Variants in GPHB5 observed in about 807,000 individuals in gnomAD.
GPHB5 encodes the protein glycoprotein hormone subunit beta 5.
GPHB5 carries 7 observed loss-of-function variants against 10.1 expected under a neutral mutation model. That is an observed-to-expected ratio of 0.69 (90% confidence interval 0.39 to 1.30). The LOEUF is 1.30. Ranked by LOEUF, GPHB5 falls within the 50% of genes most tolerant of loss-of-function variation. The probability of loss-of-function intolerance (pLI) is 0.01; values close to 1 mark genes in which losing one functional copy is unlikely to be tolerated. For missense variants in GPHB5, 161 were observed against 169.8 expected (o/e 0.95, Z 0.29); for synonymous variants, 68 against 70.1 (o/e 0.97, Z 0.15).
rs762210968 is a variant in GPHB5, at chr14:63,317,709, C to A, written c.141G>T (p.Lys47Asn). Residue 47 changes from lysine to asparagine, a missense_variant, in exon 2 of 3, where the codon AAG (lysine) becomes AAT (asparagine). Transcript: ENST00000621500. ...TGATCCGAAGGCCCCTGCAGCCTGG[C>A]TTCTTGGCCAGGAAAGTAAACTCCC... The part of the protein sequence containing the change: ...AVREFTFLAK[K>N]PGCRGLRITT... The A allele has an allele frequency of 1.7e-5, 27 of 1,613,934 alleles. No homozygotes were observed. The highest frequency in any genetic ancestry group is 2.2e-5 in the Non-Finnish European group (26 of 1,179,916).
At chr14:63,314,605 G>A (rs1163086587) in intron 2 of GPHB5, among the ~76,000 whole-genome samples, 1 of 151,808 alleles carries the variant, frequency 6.6e-6, no homozygotes, top group Non-Finnish European at 1.5e-5. Context: ...GTAGAGACAG[G>A]GTTTCACCAT....
chr14:63,313,114 T>C lies in GPHB5; in HGVS notation c.207A>G (p.Lys69=). The C allele has an allele frequency of 6.3e-7, 1 of 1,584,342 alleles. No homozygotes were observed. Among genetic ancestry groups the C allele is most frequent in the Non-Finnish European group, 8.6e-7 (1 of 1,167,370 alleles). ...ACWGRCETWE[K]PILEPPYIEA... is the part of the protein sequence containing the mutation. Reference sequence around the variant, plus strand: ...CAATATAGGGGGGTTCCAGAATGGGTTTCTGTCCCCATAGATAGAAAACAG... The same window carrying C: ...CAATATAGGGGGGTTCCAGAATGGGCTTCTGTCCCCATAGATAGAAAACAG... The change falls in exon 3 of 3, where the codon AAA becomes AAG. Residue 69 remains lysine (K), a splice_region_variant and synonymous_variant. Transcript: ENST00000621500.
chr14:63,315,203 C>A (rs1882751716), intron 2 of GPHB5, among the ~76,000 whole-genome samples: 1 of 152,178 alleles, frequency 6.6e-6, no homozygotes. Context: ...GTGTTAGCCA[C>A]CACGCCCGGC....
chr14:63,313,099 G>A lies in GPHB5; in HGVS notation c.222C>T (p.Pro74=), dbSNP rs201745048. The A allele has an allele frequency of 3.8e-6, 6 of 1,599,078 alleles. No individual in the cohort carries two copies. The highest frequency in any genetic ancestry group is 4.3e-6 in the Non-Finnish European group (5 of 1,173,294). The part of the protein sequence containing the change: ...CETWEKPILE[P]PYIEAHHRVC... ...CTCGATGATGGGCTTCAATATAGGG[G>A]GGTTCCAGAATGGGTTTCTGTCCCC... The change falls in exon 3 of 3, where the codon CCC becomes CCT. Residue 74 remains proline (P), a synonymous_variant. Transcript: ENST00000621500.
At chr14:63,317,947 C>T (rs1410581631) in intron 1 of GPHB5, 97 bp from the exon 2 acceptor site, 1 of 1,085,638 alleles carries the variant, frequency 9.2e-7, no homozygotes, top group East Asian at 2.6e-5. Flanking sequence ...AGGGACCTTG[C>T]TCCTAGCATT....
At chr14:63,318,274 T>C (rs1378972043) in intron 1 of GPHB5, among the ~76,000 whole-genome samples, 3 of 152,266 alleles carry the variant, frequency 2.0e-5, no homozygotes, top group African/African-American at 4.8e-5. Context: ...CCATGTTACA[T>C]ACTTTGCTCA....
chr14:63,318,703 T>C (rs917686773), intron 1 of GPHB5, 121 bp downstream of exon 1: 2 of 152,352 alleles, frequency 1.3e-5, no homozygotes, highest in Admixed American at 1.3e-4. Flanking sequence ...ATGGCATTCA[T>C]GGACCTTTAC....
intron 2 of GPHB5, among the ~76,000 whole-genome samples, chr14:63,317,181 G>A (rs888617469): frequency 6.6e-6 from 1 of 152,074 alleles, no homozygotes; most frequent in Non-Finnish European, 1.5e-5. Flanking sequence ...TGGGACCAAC[G>A]CTCACCCTTC....
intron 2 of GPHB5, among the ~76,000 whole-genome samples, chr14:63,314,887 C>T (rs1473696456): frequency 7.0e-6 from 1 of 143,500 alleles, no homozygotes; most frequent in Non-Finnish European, 1.5e-5. Flanking sequence ...GCAGCCTTAC[C>T]TTTTTTTTTT....
chr14:63,313,668 C>A (rs554238621), intron 2 of GPHB5, among the ~76,000 whole-genome samples: 150 of 152,280 alleles, frequency 9.9e-4, no homozygotes, highest in African/African-American at 3.3e-3. Context: ...CTCTGACCCA[C>A]CAGGAACAGC....
rs1882693360 is a variant in GPHB5 at position 63,312,905 on chromosome 14, T to C, written c.*23A>G. ...TGCATGTGCTGCTCACACAGGTGGG[T>C]CTGCAGAGAGCAGCTAGCGGCCTCA... On this transcript the variant is annotated 3_prime_UTR_variant, in exon 3 of 3. Transcript: ENST00000621500. The C allele has an allele frequency of 6.5e-7, 1 of 1,546,664 alleles. No individual in the cohort carries two copies. The highest frequency in any genetic ancestry group is 8.7e-7 in the Non-Finnish European group (1 of 1,143,726).
intron 1 of GPHB5, among the ~76,000 whole-genome samples, chr14:63,318,340 A>C (rs979130017): frequency 6.6e-6 from 1 of 152,214 alleles, no homozygotes; most frequent in Non-Finnish European, 1.5e-5. Flanking sequence ...GATAAATATT[A>C]ATAATAGTAT....
chr14:63,313,171 G>A (rs1273630273), intron 2 of GPHB5, 55 bp from the exon 3 acceptor site: 3 of 1,368,632 alleles, frequency 2.2e-6, no homozygotes, highest in African/African-American at 2.9e-5. Context: ...TCTTGTTTCA[G>A]TTTTTTAGTA....
intron 2 of GPHB5, among the ~76,000 whole-genome samples, chr14:63,316,768 T>G (rs2139684454): frequency 6.6e-6 from 1 of 152,312 alleles, no homozygotes; most frequent in Middle Eastern, 3.4e-3. Flanking sequence ...GCAGACGCCA[T>G]ATTGCTGAGC....
intron 2 of GPHB5, 64 bp from the exon 3 acceptor site, chr14:63,313,180 T>A: frequency 7.7e-7 from 1 of 1,297,290 alleles, no homozygotes; most frequent in Non-Finnish European, 1.1e-6. Context: ...AGTTTTTTAG[T>A]ATCATTTATC....
At chr14:63,316,669 A>G (rs988551875) in intron 2 of GPHB5, among the ~76,000 whole-genome samples, 1 of 152,176 alleles carries the variant, frequency 6.6e-6, no homozygotes, top group African/African-American at 2.4e-5. Context: ...GAAGGAACAA[A>G]ATGAGATCCA....
rs1408923373 is a variant in GPHB5 at position 63,312,852 on chromosome 14, AAAC to A, written c.*73_*75del. 11 of 1,363,156 alleles carry A rather than the reference AAAC, an allele frequency of 8.1e-6. No homozygotes were observed. The East Asian group carries it at 2.6e-4, about 32-fold the overall frequency. The allele number at this position is 1,363,156 out of a possible 1,614,324, so 84.4% of individuals were successfully genotyped here. A position where few individuals can be genotyped will look rare whatever the true frequency, so the allele number is the denominator to read the frequency against. ...CTCCTCCATGGGTGTGGTCGAAATTAAACAGTCTTGCATCCAGGAAGTATAACT... is the reference window on the plus strand; with the variant it reads ...CTCCTCCATGGGTGTGGTCGAAATTAAGTCTTGCATCCAGGAAGTATAACT... On this transcript the variant is annotated 3_prime_UTR_variant, in exon 3 of 3. Transcript: ENST00000621500.
chr14:63,317,468 T>C (rs1882790118), intron 2 of GPHB5, among the ~76,000 whole-genome samples, 178 bp downstream of exon 2: 1 of 152,232 alleles, frequency 6.6e-6, no homozygotes, highest in African/African-American at 2.4e-5. Flanking sequence ...GGCAACATCA[T>C]GTTTTTCAAA....
intron 2 of GPHB5, 145 bp from the exon 3 acceptor site, chr14:63,313,261 C>A: frequency 1.3e-6 from 1 of 797,322 alleles, no homozygotes; most frequent in East Asian, 2.7e-5. Context: ...AAAACAAACT[C>A]CTGAAAGCAA....
Sources: gnomAD v4.1 joint callset for allele counts (sites outside exome capture counted in the v4.1 genomes callset) on GRCh38, gnomAD v4.1.1 for gene constraint, MANE v1.5 for transcripts, NCBI Gene and HGNC (gene_info 2026-07-23, HGNC 2026-07-21) for gene names.